GMDS: variants seen among roughly 807,000 people sequenced by gnomAD.
GMDS encodes the protein GDP-mannose 4,6-dehydratase.
GMDS carries 20 observed loss-of-function variants against 49.9 expected under a neutral mutation model. The ratio of observed to expected loss-of-function variants is 0.40; its 90% CI spans 0.28 to 0.58. The LOEUF (loss-of-function observed/expected upper bound fraction) is 0.58, where lower values mean the gene tolerates loss of function less well. Among genes scored for constraint, GMDS ranks in the 20% least tolerant of loss-of-function variants. The pLI, the probability that GMDS is intolerant of heterozygous loss-of-function variation, is 0.42. For synonymous variants in GMDS, 177 were observed against 178.6 expected, an observed-to-expected ratio of 0.99 and a Z score of 0.07; for missense variants, 362 against 481.4, an observed-to-expected ratio of 0.75 and a Z score of 2.32.
At chr6:1,775,470 TACC>T (rs1297376769) in intron 7 of GMDS, among the ~76,000 whole-genome samples, 3 of 152,338 alleles carry the variant, frequency 2.0e-5, no homozygotes, top group South Asian at 2.1e-4. Context: ...GCCAGAAAAT[TACC>T]ACAAGTATAC....
intron 1 of GMDS, among the ~76,000 whole-genome samples, chr6:2,188,703 T>A (rs531920546): frequency 6.6e-6 from 1 of 152,324 alleles, no homozygotes; most frequent in Non-Finnish European, 1.5e-5. Context: ...AATAACTGAC[T>A]GATTATAACA....
intron 4 of GMDS, among the ~76,000 whole-genome samples, chr6:2,039,575 T>A (rs1287133390): frequency 6.6e-6 from 1 of 152,180 alleles, no homozygotes; most frequent in Non-Finnish European, 1.5e-5. Flanking sequence ...GTTTTTTTTC[T>A]AATTTTTATG....
At chr6:1,647,070 A>G (rs1763508365) in intron 9 of GMDS, among the ~76,000 whole-genome samples, 2 of 152,220 alleles carry the variant, frequency 1.3e-5, no homozygotes, top group Admixed American at 1.3e-4. Context: ...CATAAAGGTG[A>G]CAAGGGCTGC....
chr6:2,209,439 C>T (rs781171217), intron 1 of GMDS, among the ~76,000 whole-genome samples: 6 of 152,200 alleles, frequency 3.9e-5, no homozygotes, highest in Non-Finnish European at 7.3e-5. Flanking sequence ...GGAGTAGTCC[C>T]GCACAATAGG....
rs11377438 is a variant in GMDS at position 1,966,372 on chromosome 6, GA to G, written c.346-5407del. On this transcript the variant is annotated intron_variant, in intron 4 of 10. Transcript: ENST00000380815. ...AAGGAGAACAAAAAATCAGACTGAT[GA>G]AAAAAAAAAAAAACCAAGCCTACAA... 3.5e-4 allele frequency among the ~76,000 whole-genome samples: 50 copies of G among 142,138 alleles called. 1 individual carries two copies. The highest frequency in any genetic ancestry group is 1.4e-3 in the East Asian group (7 of 4,872). The allele number at this position is 142,138 out of a possible 152,430, so 93.2% of individuals were successfully genotyped here.
chr6:2,092,970 T>C (rs1773407164), intron 4 of GMDS, among the ~76,000 whole-genome samples: 1 of 152,224 alleles, frequency 6.6e-6, no homozygotes, highest in Non-Finnish European at 1.5e-5. Context: ...ATTCAGCCAG[T>C]AGTTACCAGA....
chr6:1,844,177 T>C (rs1045729142), intron 7 of GMDS, among the ~76,000 whole-genome samples: 12 of 152,170 alleles, frequency 7.9e-5, no homozygotes, highest in East Asian at 1.9e-4. Context: ...AAGTCCACAA[T>C]TGGTTGAATA....
At chr6:1,691,238 C>G (rs1197932071) in intron 9 of GMDS, among the ~76,000 whole-genome samples, 1 of 152,028 alleles carries the variant, frequency 6.6e-6, no homozygotes, top group African/African-American at 2.4e-5. Context: ...AAGCCATTAC[C>G]CTCAGCAAAC....
At chr6:1,682,158 T>A (rs1361806593) in intron 9 of GMDS, among the ~76,000 whole-genome samples, 1 of 152,236 alleles carries the variant, frequency 6.6e-6, no homozygotes, top group African/African-American at 2.4e-5. Context: ...TAAATACCTA[T>A]GTTTTACCTT....
intron 4 of GMDS, among the ~76,000 whole-genome samples, chr6:2,040,715 G>T (rs1769623922): frequency 6.6e-6 from 1 of 152,076 alleles, no homozygotes; most frequent in Admixed American, 6.5e-5. Flanking sequence ...GAAGCAGGAA[G>T]GTCACTCTCA....
At chr6:1,928,978 T>TAAAC (rs1762158185) in intron 7 of GMDS, among the ~76,000 whole-genome samples, 2 of 151,326 alleles carry the variant, frequency 1.3e-5, no homozygotes, top group African/African-American at 4.9e-5. Flanking sequence ...CAAAAATAAA[T>TAAAC]AAATAAATAA....
chr6:2,239,638 T>C (rs1245055651), intron 1 of GMDS, among the ~76,000 whole-genome samples: 1 of 152,092 alleles, frequency 6.6e-6, no homozygotes, highest in Non-Finnish European at 1.5e-5. Flanking sequence ...CAGTCTTTGA[T>C]TAAGCAGGAC....
At chr6:2,207,318 C>T (rs992238517) in intron 1 of GMDS, among the ~76,000 whole-genome samples, 1 of 151,952 alleles carries the variant, frequency 6.6e-6, no homozygotes, top group Non-Finnish European at 1.5e-5. Context: ...CAACTCTCAA[C>T]TTCCTTTAAG....
chr6:2,002,084 C>T (rs1766852734), intron 4 of GMDS, among the ~76,000 whole-genome samples: 1 of 152,102 alleles, frequency 6.6e-6, no homozygotes, highest in Non-Finnish European at 1.5e-5. Flanking sequence ...GTTTAATATT[C>T]GTTTTTAAAA....
At chr6:1,942,728 C>T (rs1762877928) in intron 6 of GMDS, among the ~76,000 whole-genome samples, 1 of 152,200 alleles carries the variant, frequency 6.6e-6, no homozygotes, top group African/African-American at 2.4e-5. Flanking sequence ...TTACTGGTTC[C>T]AGCTGTCCCT....
At chr6:2,035,807 C>A (rs1769271855) in intron 4 of GMDS, among the ~76,000 whole-genome samples, 1 of 152,128 alleles carries the variant, frequency 6.6e-6, no homozygotes, top group Non-Finnish European at 1.5e-5. Flanking sequence ...CCACCTCAGC[C>A]TCCTGAGCAG....
intron 1 of GMDS, among the ~76,000 whole-genome samples, chr6:2,165,397 G>A (rs1166373818): frequency 1.3e-5 from 2 of 151,972 alleles, no homozygotes; most frequent in East Asian, 1.9e-4. Flanking sequence ...GGGAGGAGAA[G>A]ACCCATGTCC....
chr6:2,185,081 G>A (rs993284226), intron 1 of GMDS, among the ~76,000 whole-genome samples: 16 of 152,196 alleles, frequency 1.1e-4, no homozygotes, highest in African/African-American at 3.6e-4. Context: ...TGGTCAAGCC[G>A]ACAAGGCAAA....
chr6:1,629,757 T>C (rs74643738), intron 9 of GMDS, among the ~76,000 whole-genome samples: 2,308 of 152,232 alleles, frequency 0.015, 58 homozygotes, highest in African/African-American at 0.053. Context: ...TAAAATCCTC[T>C]GACCACCCCT....
Sources: gnomAD v4.1 joint callset for allele counts (sites outside exome capture counted in the v4.1 genomes callset) on GRCh38, gnomAD v4.1.1 for gene constraint, MANE v1.5 for transcripts, NCBI Gene and HGNC (gene_info 2026-07-23, HGNC 2026-07-21) for gene names.